The following OR3A2 variants were observed in gnomAD, a reference collection of about 807,000 sequenced individuals.
OR3A2 encodes the protein olfactory receptor 3A2.
For missense variants in OR3A2, 318 were observed against 392.8 expected (o/e 0.81, Z 1.61); for synonymous variants, 126 against 159.3 (o/e 0.79, Z 1.57).
chr17:3,374,938 T>C (rs2049666721), intron 2 of OR3A2, among the ~76,000 whole-genome samples: 1 of 151,514 alleles, frequency 6.6e-6, no homozygotes, highest in Non-Finnish European at 1.5e-5. Flanking sequence ...TAGCTCTCAC[T>C]TATGAGTGGG....
chr17:3,333,753 AG>A (rs1470423437), intron 3 of OR3A2, among the ~76,000 whole-genome samples: 11 of 152,174 alleles, frequency 7.2e-5, no homozygotes, highest in African/African-American at 1.7e-4. Context: ...AATTGACAAA[AG>A]GGAGGCAATT....
intron 2 of OR3A2, among the ~76,000 whole-genome samples, chr17:3,350,200 A>G (rs907602658): frequency 1.6e-4 from 24 of 152,114 alleles, no homozygotes; most frequent in African/African-American, 4.8e-4. Flanking sequence ...AACTGAAGGA[A>G]ATAGAGACAC....
intron 3 of OR3A2, among the ~76,000 whole-genome samples, chr17:3,325,652 C>A (rs1567555287): frequency 6.6e-6 from 1 of 151,970 alleles, no homozygotes; most frequent in Non-Finnish European, 1.5e-5. Flanking sequence ...ATAACTGTAG[C>A]TTTATTTATT....
chr17:3,286,412 T>A (rs145474676), upstream of OR3A2, among the ~76,000 whole-genome samples: 3,542 of 152,282 alleles, frequency 0.023, 147 homozygotes, highest in African/African-American at 0.08. Flanking sequence ...ATGATTTATA[T>A]TCCTTTGGGT....
chr17:3,356,804 T>A (rs149865906), intron 2 of OR3A2, among the ~76,000 whole-genome samples: 3 of 151,644 alleles, frequency 2.0e-5, no homozygotes, highest in Non-Finnish European at 4.4e-5. Context: ...ATAGTAACTA[T>A]ATATAAGCAT....
At chr17:3,310,687 A>C in intron 3 of OR3A2, 1 of 544,640 alleles carries the variant, frequency 1.8e-6, no homozygotes, top group Non-Finnish European at 3.8e-6. Flanking sequence ...TATGACCGCT[A>C]TCTGGCCATC....
Position 3,383,064 on chromosome 17 carries a change from C to T in OR3A2, c.-179+740G>A, listed in dbSNP as rs564723599. ...AGAGAGTGACCAGAATGGAAAAGGA[C>T]CTAAAAATATGGCTCTATAAGAAAA... On this transcript the variant is annotated intron_variant, in intron 2 of 4. Coordinates refer to the OR3A2 transcript ENST00000573491. 5.9e-5 allele frequency among the ~76,000 whole-genome samples: 9 copies of T among 152,212 alleles called. No homozygotes were observed. In the South Asian group the frequency reaches 1.9e-3, roughly 32 times the overall value.
chr17:3,295,790 T>A (rs2048913865), intron 3 of OR3A2, among the ~76,000 whole-genome samples: 1 of 151,950 alleles, frequency 6.6e-6, no homozygotes, highest in African/African-American at 2.4e-5. Flanking sequence ...TAATATAAAA[T>A]GTGTTTGAAT....
At chr17:3,296,385 C>T (rs748786257) in intron 3 of OR3A2, among the ~76,000 whole-genome samples, 24 of 151,682 alleles carry the variant, frequency 1.6e-4, no homozygotes, top group Non-Finnish European at 8.8e-5. Flanking sequence ...TCCACAACAA[C>T]GAAAGAATTA....
intron 2 of OR3A2, among the ~76,000 whole-genome samples, chr17:3,374,091 G>A (rs1292922572): frequency 6.6e-6 from 1 of 152,198 alleles, no homozygotes; most frequent in East Asian, 1.9e-4. Flanking sequence ...ATTCTTGGCT[G>A]ATAATTTTGT....
chr17:3,361,597 C>A (rs1168888368), intron 2 of OR3A2, among the ~76,000 whole-genome samples: 1 of 151,594 alleles, frequency 6.6e-6, no homozygotes, highest in Admixed American at 6.6e-5. Flanking sequence ...CCCATCAATA[C>A]CTAATTTATT....
chr17:3,292,492 A>G lies in OR3A2; in HGVS notation c.-84-13339T>C, dbSNP rs140478420. On this transcript the variant is annotated intron_variant, in intron 3 of 4. Transcript: ENST00000573491. The stretch of plus-strand genomic sequence containing the variant: ...AGGTAGGCAAAGAGGAAGAGCACAA[A>G]GACAACTGGCTGCAGCCCTGGCGCC... 7.3e-4 allele frequency: 1,181 copies of G among 1,613,666 alleles called. 1 individual carries two copies. Among genetic ancestry groups the G allele is most frequent in the Non-Finnish European group, 9.6e-4 (1,130 of 1,179,962 alleles).
intron 3 of OR3A2, among the ~76,000 whole-genome samples, chr17:3,309,168 A>C (rs545748541): frequency 9.8e-4 from 149 of 152,262 alleles, no homozygotes; most frequent in African/African-American, 3.3e-3. Flanking sequence ...GGCCTCCCAA[A>C]GTGCTAGGAT....
intron 3 of OR3A2, among the ~76,000 whole-genome samples, chr17:3,321,671 C>G (rs1252863013): frequency 6.6e-6 from 1 of 152,086 alleles, no homozygotes; most frequent in Non-Finnish European, 1.5e-5. Context: ...TGTTTATATG[C>G]TGGATTACAT....
intron 3 of OR3A2, among the ~76,000 whole-genome samples, chr17:3,293,173 G>A (rs2048891093): frequency 6.6e-6 from 1 of 151,554 alleles, no homozygotes; most frequent in South Asian, 2.1e-4. Flanking sequence ...AAAAGGGTGG[G>A]TAGGGGGAGG....
chr17:3,291,751 C>T (rs1229312913), intron 3 of OR3A2: 1 of 1,613,744 alleles, frequency 6.2e-7, no homozygotes, highest in South Asian at 1.1e-5. Flanking sequence ...TTGAAAATTC[C>T]AACAGCTTTA....
At chr17:3,325,153 G>C (rs2049160530) in intron 3 of OR3A2, among the ~76,000 whole-genome samples, 1 of 150,380 alleles carries the variant, frequency 6.6e-6, no homozygotes, top group South Asian at 2.1e-4. Context: ...TTGTGATAAA[G>C]GGGTACAACT....
intron 2 of OR3A2, among the ~76,000 whole-genome samples, chr17:3,349,342 C>T (rs984944529): frequency 6.6e-6 from 1 of 151,976 alleles, no homozygotes; most frequent in Admixed American, 6.6e-5. Flanking sequence ...GGAAGATGTA[C>T]CAAGCAAATG....
At chr17:3,302,949 G>A (rs1238436016) in intron 3 of OR3A2, among the ~76,000 whole-genome samples, 1 of 152,074 alleles carries the variant, frequency 6.6e-6, no homozygotes, top group African/African-American at 2.4e-5. Flanking sequence ...TATTTTAAAG[G>A]AATAGTAATT....
Sources: allele counts gnomAD v4.1 joint callset (sites outside exome capture counted in the v4.1 genomes callset), GRCh38; gene constraint gnomAD v4.1.1; transcripts MANE v1.5; gene names NCBI Gene and HGNC (gene_info 2026-07-23, HGNC 2026-07-21).